Variants in TOP1 observed in about 807,000 individuals in gnomAD.
TOP1 encodes DNA topoisomerase 1.
In TOP1, 10 loss-of-function variants were observed where a neutral mutation model predicts 111.1. The observed-to-expected ratio is 0.09, with a 90% confidence interval of 0.06 to 0.15. TOP1 has a LOEUF of 0.15. Ranked by LOEUF, TOP1 falls within the 10% of genes least tolerant of loss-of-function variation. TOP1 has a pLI of 1.00. For missense variants in TOP1, 474 were observed against 926.7 expected (o/e 0.51, Z 6.34); for synonymous variants, 271 against 302.9 (o/e 0.89, Z 1.10).
intron 8 of TOP1, among the ~76,000 whole-genome samples, chr20:41,089,845 A>G (rs757363526): frequency 2.8e-4 from 42 of 152,324 alleles, no homozygotes; most frequent in Non-Finnish European, 7.3e-5. Flanking sequence ...TATGAATGGT[A>G]TCTCATTGTG....
rs1443959857 is a variant in TOP1 at position 41,095,274 on chromosome 20, C to T, written c.731-1946C>T. 6.6e-6 allele frequency among the ~76,000 whole-genome samples: 1 copy of T among 152,130 alleles called. No individual in the cohort carries two copies. Among genetic ancestry groups the T allele is most frequent in the Non-Finnish European group, 1.5e-5 (1 of 68,032 alleles). On this transcript the variant is annotated intron_variant, in intron 9 of 20. Transcript: ENST00000361337. This position sits in a 1 kb window ranked among gnomAD's most constrained non-coding sequence, Gnocchi z 4.6. ...ATGTTGGTCAAGCTGGTCTGGAACTCCTGACCTGAAGTGATCCTTGCACCG... is the reference window on the plus strand; with the variant it reads ...ATGTTGGTCAAGCTGGTCTGGAACTTCTGACCTGAAGTGATCCTTGCACCG...
At chr20:41,036,943 G>A (rs1057038227) in intron 2 of TOP1, among the ~76,000 whole-genome samples, 10 of 148,530 alleles carry the variant, frequency 6.7e-5, no homozygotes, top group African/African-American at 2.5e-4. Context: ...CCATTCTCCT[G>A]CCTTAGCCTC....
chr20:41,029,026 A>G lies in TOP1; in HGVS notation c.-42A>G, dbSNP rs1414655410. 2.0e-6 allele frequency: 3 copies of G among 1,531,150 alleles called. No individual in the cohort carries two copies. The highest frequency in any genetic ancestry group is 1.2e-5 in the South Asian group (1 of 83,740). 94.8% of individuals were successfully genotyped at this position (1,531,150 alleles called of 1,614,324 possible). A position where few individuals can be genotyped will look rare whatever the true frequency, so the allele number is the denominator to read the frequency against. ...CCGGTTCGCCGTCTGCGTCTCCCCCACGCCGCCTCGCCTGCCGCCGCGCTC... is the reference window on the plus strand; with the variant it reads ...CCGGTTCGCCGTCTGCGTCTCCCCCGCGCCGCCTCGCCTGCCGCCGCGCTC... On this transcript the variant is annotated 5_prime_UTR_variant, in exon 1 of 21. Coordinates refer to ENST00000361337, the MANE Select transcript of TOP1 (RefSeq NM_003286.4). The surrounding 1 kb of genome is among the most constrained non-coding windows in gnomAD (Gnocchi z 6.1).
intron 18 of TOP1, among the ~76,000 whole-genome samples, chr20:41,120,949 G>A (rs1490401690): frequency 6.6e-6 from 1 of 152,186 alleles, no homozygotes; most frequent in Non-Finnish European, 1.5e-5. Flanking sequence ...CACCGTGTTA[G>A]CCAGGATGGT....
At chr20:41,039,503 A>G (rs1381900260) in intron 2 of TOP1, among the ~76,000 whole-genome samples, 3 of 152,100 alleles carry the variant, frequency 2.0e-5, no homozygotes, top group African/African-American at 4.8e-5. Flanking sequence ...TTGTATACCT[A>G]TATACCCATT....
intron 2 of TOP1, among the ~76,000 whole-genome samples, chr20:41,043,580 T>C (rs1205998432): frequency 6.6e-6 from 1 of 152,238 alleles, no homozygotes; most frequent in Non-Finnish European, 1.5e-5. Context: ...GAGAATTGTC[T>C]AGACAAAGAA....
intron 2 of TOP1, among the ~76,000 whole-genome samples, chr20:41,048,691 T>A (rs2033364146): frequency 6.6e-6 from 1 of 152,240 alleles, no homozygotes; most frequent in African/African-American, 2.4e-5. Flanking sequence ...TGGCTCTAAT[T>A]GCGCCTAGAA....
At position 41,094,067 on chromosome 20, in the gene TOP1, T is replaced by TA. The variant is rs2033952956; in HGVS notation, c.730+1483dup. Among the ~76,000 whole-genome samples the TA allele has an allele frequency of 6.6e-6, 1 of 151,694 alleles. No individual in the cohort carries two copies. The highest frequency in any genetic ancestry group is 1.5e-5 in the Non-Finnish European group (1 of 67,970). On this transcript the variant is annotated intron_variant, in intron 9 of 20. Coordinates refer to ENST00000361337, the MANE Select transcript of TOP1 (RefSeq NM_003286.4). This position sits in a 1 kb window ranked among gnomAD's most constrained non-coding sequence, Gnocchi z 4.4. ...GACCCTGTCTCAAAAAATAAAATAA[T>TA]AAATAAATAAATAAAACATATTTAT... is the stretch of plus-strand genomic sequence containing the variant.
At position 41,094,777 on chromosome 20, in the gene TOP1, C is replaced by T. The variant is rs2033962856; in HGVS notation, c.730+2190C>T. Among the ~76,000 whole-genome samples, 1 of 152,182 alleles carries T rather than the reference C, an allele frequency of 6.6e-6. No homozygotes were observed. On this transcript the variant is annotated intron_variant, in intron 9 of 20. Transcript: ENST00000361337. This position sits in a 1 kb window ranked among gnomAD's most constrained non-coding sequence, Gnocchi z 4.4. ...TTTAGAACTTGCCAGGGAGGTGGGG[C>T]ATGGGCTAGCTGAAGCAGTGAATTA... is the stretch of plus-strand genomic sequence containing the variant.
chr20:41,066,424 C>T (rs1347978612), intron 3 of TOP1, among the ~76,000 whole-genome samples: 2 of 152,076 alleles, frequency 1.3e-5, no homozygotes, highest in Non-Finnish European at 2.9e-5. Flanking sequence ...TATAGAAGCT[C>T]TTCAGTTGTG....
chr20:41,089,705 G>A (rs1475856339), intron 8 of TOP1, among the ~76,000 whole-genome samples: 1 of 152,100 alleles, frequency 6.6e-6, no homozygotes, highest in African/African-American at 2.4e-5. Flanking sequence ...ACTTTTTGAG[G>A]AACTGCCATA....
Position 41,098,366 on chromosome 20 carries a change from G to T in TOP1, c.975+29G>T. 2 of 1,600,998 alleles carry T rather than the reference G, an allele frequency of 1.2e-6. No individual in the cohort carries two copies. Among genetic ancestry groups the T allele is most frequent in the Non-Finnish European group, 1.7e-6 (2 of 1,175,508 alleles). ...CTACAGAATTTATTAAACCTCTGGA[G>T]AATTCTGGAATTGTGATTGGTTCAT... is the stretch of plus-strand genomic sequence containing the variant. On this transcript the variant is annotated intron_variant, in intron 11 of 20. Coordinates refer to ENST00000361337, the MANE Select transcript of TOP1 (RefSeq NM_003286.4). This position sits in a 1 kb window ranked among gnomAD's most constrained non-coding sequence, Gnocchi z 5.7.
rs559342742 is a variant in TOP1 at position 41,079,110 on chromosome 20, A to T, written c.336-975A>T. 2.0e-5 allele frequency among the ~76,000 whole-genome samples: 3 copies of T among 152,316 alleles called. No homozygotes were observed. In the South Asian group the frequency reaches 6.2e-4, roughly 32 times the overall value. On this transcript the variant is annotated intron_variant, in intron 5 of 20. Transcript: ENST00000361337. This position sits in a 1 kb window ranked among gnomAD's most constrained non-coding sequence, Gnocchi z 4.0. Reference sequence around the variant, plus strand: ...CTAAAATAAGTTCTTTAAACATTCAAATTCTATCACAAGCAAGGGGACCCA... The same window carrying T: ...CTAAAATAAGTTCTTTAAACATTCATATTCTATCACAAGCAAGGGGACCCA...
At chr20:41,075,017 C>CA (rs2033709353) in intron 3 of TOP1, among the ~76,000 whole-genome samples, 1 of 152,186 alleles carries the variant, frequency 6.6e-6, no homozygotes, top group Non-Finnish European at 1.5e-5. Context: ...TTGTGGTACT[C>CA]AAATTATAGC....
intron 3 of TOP1, 74 bp from the exon 4 acceptor site, chr20:41,076,097 C>T: frequency 4.6e-6 from 7 of 1,515,336 alleles, no homozygotes; most frequent in Non-Finnish European, 6.2e-6. Flanking sequence ...TTCATGTTAT[C>T]TTAGGATATC....
At chr20:41,064,753 G>T (rs971218427) in intron 3 of TOP1, among the ~76,000 whole-genome samples, 1 of 151,948 alleles carries the variant, frequency 6.6e-6, no homozygotes, top group Non-Finnish European at 1.5e-5. Context: ...GTGCTCTCTG[G>T]TGCCTTGAAT....
intron 3 of TOP1, among the ~76,000 whole-genome samples, chr20:41,072,055 G>C (rs1411081261): frequency 6.6e-6 from 1 of 152,144 alleles, no homozygotes; most frequent in Non-Finnish European, 1.5e-5. Flanking sequence ...TCTACTCTTA[G>C]AAGACAAAAT....
chr20:41,079,995 C>G lies in TOP1; in HGVS notation c.336-90C>G. On this transcript the variant is annotated intron_variant, in intron 5 of 20. Coordinates refer to ENST00000361337, the MANE Select transcript of TOP1 (RefSeq NM_003286.4). The surrounding 1 kb of genome is among the most constrained non-coding windows in gnomAD (Gnocchi z 4.0). Reference sequence around the variant, plus strand: ...ACGTGGTTATCCTTATTTCTGTTAGCTTCTTTTCAACGAAATGACATATTC... The same window carrying G: ...ACGTGGTTATCCTTATTTCTGTTAGGTTCTTTTCAACGAAATGACATATTC... The G allele has an allele frequency of 1.2e-6, 1 of 809,482 alleles. No homozygotes were observed. Among genetic ancestry groups the G allele is most frequent in the Non-Finnish European group, 2.1e-6 (1 of 485,066 alleles). 50.1% of individuals were successfully genotyped at this position (809,482 alleles called of 1,614,324 possible). A position where few individuals can be genotyped will look rare whatever the true frequency, so the allele number is the denominator to read the frequency against.
At chr20:41,049,932 T>G (rs540902690) in intron 2 of TOP1, among the ~76,000 whole-genome samples, 1 of 152,338 alleles carries the variant, frequency 6.6e-6, no homozygotes, top group East Asian at 1.9e-4. Context: ...AAAATTCTTG[T>G]TTATATGCAA....
Sources: allele counts gnomAD v4.1 joint callset (sites outside exome capture counted in the v4.1 genomes callset), GRCh38; gene constraint gnomAD v4.1.1; non-coding constraint Gnocchi (gnomAD v3.1); transcripts MANE v1.5; gene names NCBI Gene and HGNC (gene_info 2026-07-23, HGNC 2026-07-21).